Variants in ABCA5 observed in about 807,000 individuals in gnomAD.
ABCA5 encodes ATP binding cassette subfamily A member 5, also known as cholesterol transporter ABCA5.
ABCA5 carries 163 observed loss-of-function variants against 206.0 expected under a neutral mutation model. The ratio of observed to expected loss-of-function variants is 0.79; its 90% confidence interval spans 0.70 to 0.90. The LOEUF (loss-of-function observed/expected upper bound fraction) is 0.90. ABCA5 is among the 40% of genes least tolerant of loss of function. The pLI, the probability that ABCA5 is intolerant of heterozygous loss-of-function variation, is 0.00. For missense variants in ABCA5, 1,859 were observed against 1,912.9 expected (o/e 0.97, Z 0.53); for synonymous variants, 609 against 613.8 (o/e 0.99, Z 0.11).
chr17:69,252,968 C>T (rs1470689633), intron 34 of ABCA5, among the ~76,000 whole-genome samples: 1 of 151,672 alleles, frequency 6.6e-6, no homozygotes, highest in Non-Finnish European at 1.5e-5. Context: ...TATAATGTAT[C>T]TTTTCTGTGT....
intron 26 of ABCA5, 36 bp downstream of exon 26, chr17:69,261,089 T>A: frequency 6.8e-7 from 1 of 1,471,666 alleles, no homozygotes. Flanking sequence ...ATTTATTTTA[T>A]GTTTTTTAAC....
chr17:69,281,383 TC>T (rs911956549), intron 18 of ABCA5, among the ~76,000 whole-genome samples: 1 of 152,106 alleles, frequency 6.6e-6, no homozygotes, highest in African/African-American at 2.4e-5. Flanking sequence ...GAGACTTGCT[TC>T]TTTTTTTAGT....
At chr17:69,291,384 G>A in intron 11 of ABCA5, 58 bp from the exon 12 acceptor site, 2 of 1,051,918 alleles carry the variant, frequency 1.9e-6, no homozygotes, top group Non-Finnish European at 2.9e-6. Flanking sequence ...AGCTATGCAT[G>A]ATAATTCATA....
intron 9 of ABCA5, among the ~76,000 whole-genome samples, chr17:69,297,829 A>G (rs2075599880): frequency 6.6e-6 from 1 of 152,154 alleles, no homozygotes; most frequent in South Asian, 2.1e-4. Context: ...TGCTTCATGG[A>G]AAAGACTACA....
chr17:69,264,459 A>C (rs1187116844), intron 24 of ABCA5, among the ~76,000 whole-genome samples: 2 of 152,224 alleles, frequency 1.3e-5, no homozygotes, highest in Non-Finnish European at 1.5e-5. Context: ...TAAGGAAGGA[A>C]TATATTAAAA....
chr17:69,267,308 G>C (rs2075221659), intron 23 of ABCA5, among the ~76,000 whole-genome samples: 1 of 152,128 alleles, frequency 6.6e-6, no homozygotes, highest in Non-Finnish European at 1.5e-5. Flanking sequence ...TATTAGAGCA[G>C]TAAGATATAA....
At position 69,313,098 on chromosome 17, in the gene ABCA5, G is replaced by A; in HGVS notation, c.301C>T (p.Pro101Ser). The A allele has an allele frequency of 6.3e-7, 1 of 1,598,256 alleles. No homozygotes were observed. The highest frequency in any genetic ancestry group is 8.5e-7 in the Non-Finnish European group (1 of 1,170,754). The stretch of plus-strand genomic sequence containing the variant: ...ATATATAAGCTCACAATACCATCAG[G>A]TAGATGATCAGTAGACACTTTCTGC... ...IMQKVSTDHL[P>S]DVIITEEYTN... The change falls in exon 3 of 39, where the codon CCT becomes TCT. Residue 101 changes from proline (P) to serine (S), a missense_variant. Pro to Ser is a moderately conservative substitution (Grantham distance 74). Transcript: ENST00000392676.
intron 17 of ABCA5, among the ~76,000 whole-genome samples, chr17:69,284,414 C>A (rs1033656423): frequency 7.2e-5 from 11 of 151,858 alleles, no homozygotes; most frequent in African/African-American, 2.7e-4. Context: ...ATTATCATAT[C>A]TATTACCATA....
chr17:69,310,754 T>G (rs2075760233), intron 3 of ABCA5, among the ~76,000 whole-genome samples: 1 of 152,362 alleles, frequency 6.6e-6, no homozygotes, highest in Non-Finnish European at 1.5e-5. Flanking sequence ...AATATAGAAT[T>G]AGTACTTAAC....
intron 15 of ABCA5, 123 bp downstream of exon 15, chr17:69,287,490 T>C: frequency 7.6e-7 from 1 of 1,317,852 alleles, no homozygotes. Flanking sequence ...AGAACTTTTT[T>C]TGTGAAGGAA....
chr17:69,296,359 CATTTT>C (rs541219061), intron 10 of ABCA5, among the ~76,000 whole-genome samples: 11 of 151,866 alleles, frequency 7.2e-5, no homozygotes, highest in Non-Finnish European at 1.0e-4. Context: ...TTTTTTATTT[CATTTT>C]ATTTTATTTC....
At chr17:69,287,588 T>G in intron 15 of ABCA5, 25 bp downstream of exon 15, 5 of 1,599,796 alleles carry the variant, frequency 3.1e-6, no homozygotes, top group Non-Finnish European at 3.4e-6. Context: ...GATCTCAGCC[T>G]TCGAAAATAA....
chr17:69,289,149 C>T (rs369930493), intron 14 of ABCA5, 28 bp downstream of exon 14: 13 of 1,585,164 alleles, frequency 8.2e-6, no homozygotes, highest in South Asian at 5.9e-5. Flanking sequence ...TTAAAATGAG[C>T]TCATCTGTAA....
chr17:69,322,389 T>G (rs2075872127), intron 1 of ABCA5, among the ~76,000 whole-genome samples: 2 of 60,290 alleles, frequency 3.3e-5, no homozygotes, highest in Non-Finnish European at 7.9e-5. Flanking sequence ...AAAAAAAAAG[T>G]GCTGGTTACT....
chr17:69,280,550 C>G (rs62080885), intron 18 of ABCA5, among the ~76,000 whole-genome samples: 1 of 151,044 alleles, frequency 6.6e-6, no homozygotes, highest in African/African-American at 2.4e-5. Flanking sequence ...ACCCAAAGGA[C>G]TATAAATCAT....
At chr17:69,251,716 C>T (rs1340731483) in intron 35 of ABCA5, 31 bp downstream of exon 35, 1 of 1,596,620 alleles carries the variant, frequency 6.3e-7, no homozygotes, top group East Asian at 2.3e-5. Context: ...CCAACCTCTT[C>T]CCCTGAATGG....
rs1480677653 is a variant in ABCA5, at chr17:69,264,846, T to A, written c.3204A>T (p.Gly1068=). Residue 1068 remains glycine, a synonymous_variant, in exon 24 of 39, where the codon GGA becomes GGT. Coordinates refer to ENST00000392676, the MANE Select transcript of ABCA5 (RefSeq NM_172232.4). Reference sequence around the variant, plus strand: ...ATAAGGGGATATCAACAACAGCTTGTCCAATCCAATATGCAGATGGCAAAA... The same window carrying A: ...ATAAGGGGATATCAACAACAGCTTGACCAATCCAATATGCAGATGGCAAAA... ...SGLLPSAYWI[G]QAVVDIPLFF... 1.9e-6 allele frequency: 3 copies of A among 1,597,402 alleles called. No individual in the cohort carries two copies. Among genetic ancestry groups the A allele is most frequent in the African/African-American group, 2.7e-5 (2 of 74,392 alleles).
rs2075142287 is a variant in ABCA5 at position 69,261,142 on chromosome 17, G to A, written c.3547C>T (p.Leu1183=). ...AGAATTACCTTTATGAAAGAAATCA[G>A]GCAACCTAGAAGTGGATAGATTGGA... ...IIPIYPLLGC[L]ISFIKISWKN... is the part of the protein sequence containing the mutation. The change falls in exon 26 of 39, where the codon CTG becomes TTG. Residue 1183 remains leucine, a synonymous_variant. Transcript: ENST00000392676. 1 of 1,577,816 alleles carries A rather than the reference G, an allele frequency of 6.3e-7. No individual in the cohort carries two copies.
chr17:69,268,114 A>G (rs1461292506), intron 22 of ABCA5, 58 bp from the exon 23 acceptor site: 12 of 572,058 alleles, frequency 2.1e-5, no homozygotes, highest in Non-Finnish European at 3.6e-5. Flanking sequence ...ATCTTAAGAT[A>G]TATCTTAGGA....
Sources: gnomAD v4.1 joint callset for allele counts (sites outside exome capture counted in the v4.1 genomes callset) on GRCh38, gnomAD v4.1.1 for gene constraint, MANE v1.5 for transcripts, NCBI Gene and HGNC (gene_info 2026-07-23, HGNC 2026-07-21) for gene names.